The following ZCCHC7 variants were observed in gnomAD, a reference collection of about 807,000 sequenced individuals.
The protein encoded by ZCCHC7 is zinc finger CCHC-type containing 7.
ZCCHC7 carries 35 observed loss-of-function variants against 52.0 expected under a neutral mutation model. The observed-to-expected ratio is 0.67, with a 90% CI of 0.51 to 0.89. The LOEUF (loss-of-function observed/expected upper bound fraction) is 0.89, where lower values mean the gene tolerates loss of function less well. Among genes scored for constraint, ZCCHC7 ranks in the 40% least tolerant of loss-of-function variants. The pLI is 0.00. For synonymous variants in ZCCHC7, 217 were observed against 221.5 expected (o/e 0.98, Z 0.18); for missense variants, 574 against 649.1 (o/e 0.88, Z 1.26).
At chr9:37,221,621 A>G (rs75977286) in intron 2 of ZCCHC7, among the ~76,000 whole-genome samples, 7,733 of 152,182 alleles carry the variant, frequency 0.051, 646 homozygotes, top group African/African-American at 0.17. Context: ...CTAAATATAC[A>G]ATAATATGGT....
At chr9:37,340,244 T>C (rs1820546805) in intron 6 of ZCCHC7, among the ~76,000 whole-genome samples, 1 of 152,128 alleles carries the variant, frequency 6.6e-6, no homozygotes. Flanking sequence ...TCTTCTGATA[T>C]TTACTGAGTT....
chr9:37,151,110 G>T (rs554513041), intron 2 of ZCCHC7, among the ~76,000 whole-genome samples: 3 of 151,738 alleles, frequency 2.0e-5, no homozygotes. Context: ...GACTACAGGC[G>T]CCTGCCACCA....
chr9:37,349,531 T>C (rs986098240), intron 7 of ZCCHC7, 79 bp downstream of exon 7: 2 of 1,310,218 alleles, frequency 1.5e-6, no homozygotes, highest in African/African-American at 1.5e-5. Context: ...AAAAAGAATG[T>C]AACTCTAAAT....
intron 2 of ZCCHC7, among the ~76,000 whole-genome samples, chr9:37,180,144 A>G (rs575069836): frequency 4.6e-5 from 7 of 152,296 alleles, no homozygotes; most frequent in African/African-American, 1.4e-4. Context: ...GGCACAGAGT[A>G]TATTTGATAT....
chr9:37,308,447 A>G (rs961215669), intron 5 of ZCCHC7, among the ~76,000 whole-genome samples: 3 of 152,190 alleles, frequency 2.0e-5, no homozygotes, highest in African/African-American at 7.2e-5. Context: ...ATTTTTTAAA[A>G]ACAAGAAACT....
At chr9:37,233,438 A>G (rs1214510698) in intron 2 of ZCCHC7, among the ~76,000 whole-genome samples, 1 of 152,166 alleles carries the variant, frequency 6.6e-6, no homozygotes, top group Non-Finnish European at 1.5e-5. Context: ...ATTTTTATTA[A>G]TTGTGATTGG....
chr9:37,323,001 A>T (rs1475325148), intron 5 of ZCCHC7, among the ~76,000 whole-genome samples: 4 of 152,192 alleles, frequency 2.6e-5, no homozygotes, highest in Non-Finnish European at 4.4e-5. Context: ...TGCTCTAAAG[A>T]CTTTATACTT....
At chr9:37,258,096 G>T (rs1826674863) in intron 2 of ZCCHC7, among the ~76,000 whole-genome samples, 1 of 152,146 alleles carries the variant, frequency 6.6e-6, no homozygotes, top group South Asian at 2.1e-4. Context: ...AAGGACTCAG[G>T]AGAATAGATA....
intron 2 of ZCCHC7, among the ~76,000 whole-genome samples, chr9:37,128,435 G>A (rs1224507866): frequency 6.6e-6 from 1 of 152,172 alleles, no homozygotes; most frequent in Non-Finnish European, 1.5e-5. Context: ...AATACTTTGA[G>A]GCAGTGGTTA....
chr9:37,333,848 T>C (rs1830541846), intron 6 of ZCCHC7: 1 of 151,800 alleles, frequency 6.6e-6, no homozygotes, highest in African/African-American at 2.4e-5. Context: ...TTTCTTTCTT[T>C]AAAAAAATTA....
rs534129586 is a variant in ZCCHC7, at chr9:37,128,458, A to G, written c.610+1516A>G. 1.1e-4 allele frequency among the ~76,000 whole-genome samples: 17 copies of G among 152,332 alleles called. No individual in the cohort carries two copies. In the South Asian group the frequency reaches 3.3e-3, roughly 30 times the overall value. ...GAGGCAGTGGTTACCAGTATTTTGA[A>G]GATGACAACCTGTGTAACTTTGAAA... is the stretch of plus-strand genomic sequence containing the variant. On this transcript the variant is annotated intron_variant, in intron 2 of 8. Transcript: ENST00000336755.
chr9:37,263,054 A>G (rs1229153553), intron 2 of ZCCHC7, among the ~76,000 whole-genome samples: 5 of 152,274 alleles, frequency 3.3e-5, no homozygotes, highest in African/African-American at 1.2e-4. Flanking sequence ...GATTTTCTCT[A>G]CTGTTAATAA....
intron 2 of ZCCHC7, among the ~76,000 whole-genome samples, chr9:37,215,104 C>A (rs1041877260): frequency 1.3e-5 from 2 of 152,216 alleles, no homozygotes; most frequent in Non-Finnish European, 1.5e-5. Flanking sequence ...AGGGAAAAAT[C>A]TAAATTAAAA....
chr9:37,250,150 CTAGCACAGTGTT>C (rs1432888764), intron 2 of ZCCHC7, among the ~76,000 whole-genome samples: 1 of 152,174 alleles, frequency 6.6e-6, no homozygotes, highest in Non-Finnish European at 1.5e-5. Flanking sequence ...GTGAAAAAAT[CTAGCACAGTGTT>C]TAGCACATGA....
intron 2 of ZCCHC7, among the ~76,000 whole-genome samples, chr9:37,143,819 G>A (rs1843327299): frequency 6.6e-6 from 1 of 151,680 alleles, no homozygotes; most frequent in Non-Finnish European, 1.5e-5. Flanking sequence ...ATTAAGTTAT[G>A]TGTTCAGTGA....
chr9:37,157,946 A>G (rs946447333), intron 2 of ZCCHC7, among the ~76,000 whole-genome samples: 3 of 152,242 alleles, frequency 2.0e-5, no homozygotes, highest in Non-Finnish European at 2.9e-5. Context: ...CTGCCTGTAT[A>G]TTCAAAGGAA....
intron 2 of ZCCHC7, among the ~76,000 whole-genome samples, chr9:37,219,333 A>G (rs188388892): frequency 6.0e-4 from 92 of 152,332 alleles, no homozygotes; most frequent in African/African-American, 2.2e-3. Context: ...TATGACAAGC[A>G]GAGGTCAAAA....
At chr9:37,324,586 G>A (rs573112323) in intron 5 of ZCCHC7, among the ~76,000 whole-genome samples, 9 of 152,258 alleles carry the variant, frequency 5.9e-5, no homozygotes, top group African/African-American at 1.7e-4. Context: ...ATTTTCTCCC[G>A]GGGAGCCACA....
At chr9:37,163,129 A>C (rs138158592) in intron 2 of ZCCHC7, among the ~76,000 whole-genome samples, 7,689 of 152,090 alleles carry the variant, frequency 0.051, 634 homozygotes, top group African/African-American at 0.17. Flanking sequence ...TGAACCCGGG[A>C]GGTGGAGGTT....
Sources: gnomAD v4.1 joint callset for allele counts (sites outside exome capture counted in the v4.1 genomes callset) on GRCh38, gnomAD v4.1.1 for gene constraint, MANE v1.5 for transcripts, NCBI Gene and HGNC (gene_info 2026-07-23, HGNC 2026-07-21) for gene names.